The following VWCE variants were observed in gnomAD, a reference collection of about 807,000 sequenced individuals.
VWCE encodes the protein von Willebrand factor C and EGF domains.
VWCE carries 68 observed loss-of-function variants against 102.9 expected under a neutral mutation model. The ratio of observed to expected loss-of-function variants is 0.66; its 90% CI spans 0.54 to 0.81. The LOEUF is 0.81. Among genes scored for constraint, VWCE ranks in the 30% least tolerant of loss-of-function variants. The probability of loss-of-function intolerance (pLI) is 0.00; values close to 1 mark genes in which losing one functional copy is unlikely to be tolerated. For missense variants in VWCE, 1,137 were observed against 1,263.6 expected, an observed-to-expected ratio of 0.90 and a Z score of 1.52; for synonymous variants, 497 against 515.4, an observed-to-expected ratio of 0.96 and a Z score of 0.48.
chr11:61,292,611 C>A (rs1460437022), intron 1 of VWCE, among the ~76,000 whole-genome samples: 3 of 152,092 alleles, frequency 2.0e-5, no homozygotes, highest in Admixed American at 1.3e-4. Context: ...GGGGTCTGTT[C>A]AAGCAGGAAT....
At chr11:61,264,361 G>T in intron 19 of VWCE, 126 bp downstream of exon 19, 1 of 921,916 alleles carries the variant, frequency 1.1e-6, no homozygotes, top group Non-Finnish European at 1.7e-6. Flanking sequence ...AACCTTGCGC[G>T]AGCCGTGTTC....
At chr11:61,268,173 C>T (rs993508926) in intron 15 of VWCE, among the ~76,000 whole-genome samples, 1 of 151,646 alleles carries the variant, frequency 6.6e-6, no homozygotes, top group African/African-American at 2.4e-5. Context: ...CAAAAAGAGA[C>T]TAGAAGGACA....
intron 7 of VWCE, 62 bp downstream of exon 7, chr11:61,281,724 T>A: frequency 6.6e-7 from 1 of 1,520,676 alleles, no homozygotes; most frequent in Non-Finnish European, 8.8e-7. Context: ...TGGGGGGGCG[T>A]AGCTGGGGCA....
Position 61,280,782 on chromosome 11 carries a change from CT to C in VWCE, c.1230+10del, listed in dbSNP as rs752221862. 85 of 1,606,964 alleles carry C rather than the reference CT, an allele frequency of 5.3e-5. No individual in the cohort carries two copies. Among genetic ancestry groups the C allele is most frequent in the Middle Eastern group, 1.7e-4 (1 of 6,032 alleles). On this transcript the variant is annotated intron_variant, in intron 8 of 19. Coordinates refer to ENST00000335613, the MANE Select transcript of VWCE (RefSeq NM_152718.2). Reference sequence around the variant, plus strand: ...CAGACCAAGGAAGCTCCGGGGACCCCTAGTACCCACCTCGCACCAGCACTGG... The same window carrying C: ...CAGACCAAGGAAGCTCCGGGGACCCCAGTACCCACCTCGCACCAGCACTGG...
chr11:61,292,179 C>T (rs567292127), intron 1 of VWCE, among the ~76,000 whole-genome samples: 18 of 151,482 alleles, frequency 1.2e-4, no homozygotes, highest in South Asian at 4.2e-4. Flanking sequence ...GCCAAGTTGG[C>T]GCCACTGCCC....
rs187308326 is a variant in VWCE at position 61,271,704 on chromosome 11, C to G, written c.1756G>C (p.Gly586Arg). ...CAGATGCATAACTCACAGGGGTCAC[C>G]AGGCGACCAGATCTGTCCAATCGGA... The part of the protein sequence containing the change: ...EFPIGQIWSP[G>R]DPCELCICQA... Residue 586 changes from glycine to arginine, a missense_variant, in exon 14 of 20, where the codon GGT becomes CGT. Gly to Arg is a moderately radical substitution (Grantham distance 125, BLOSUM62 -2). Transcript: ENST00000335613. The G allele has an allele frequency of 6.2e-7, 1 of 1,613,558 alleles. No individual in the cohort carries two copies. The highest frequency in any genetic ancestry group is 1.7e-5 in the Admixed American group (1 of 59,944).
At position 61,263,143 on chromosome 11, in the gene VWCE, C is replaced by T. The variant is rs147191733; in HGVS notation, c.2230+1344G>A. On this transcript the variant is annotated intron_variant, in intron 19 of 19. Coordinates refer to ENST00000335613, the MANE Select transcript of VWCE (RefSeq NM_152718.2). ...CGAACATGGCGAAACCTTGTCTCTA[C>T]TAAAAATACAAAAATTAGCCGGGCA... Among the ~76,000 whole-genome samples, 530 of 152,162 alleles carry T rather than the reference C, an allele frequency of 3.5e-3. 5 individuals are homozygous for T. Among genetic ancestry groups the T allele is most frequent in the African/African-American group, 0.012 (515 of 41,516 alleles).
In VWCE at chr11:61,268,907, G is replaced by A. The variant is rs1242089577; in HGVS notation, c.1882+15C>T. On this transcript the variant is annotated intron_variant, in intron 15 of 19. Coordinates refer to ENST00000335613, the MANE Select transcript of VWCE (RefSeq NM_152718.2). ...TGCCCTGCCCTGGGGGCTTGGGGCAGAGGCAGGGGATTACCTGCTGAACAG... is the reference window on the plus strand; with the variant it reads ...TGCCCTGCCCTGGGGGCTTGGGGCAAAGGCAGGGGATTACCTGCTGAACAG... The A allele has an allele frequency of 6.2e-7, 1 of 1,613,082 alleles. No homozygotes were observed. The highest frequency in any genetic ancestry group is 8.5e-7 in the Non-Finnish European group (1 of 1,179,386).
intron 14 of VWCE, 56 bp from the exon 15 acceptor site, chr11:61,269,074 C>T: frequency 6.5e-7 from 1 of 1,539,024 alleles, no homozygotes. Flanking sequence ...CCCCTGCCTC[C>T]CCGCCCTGCA....
rs1406974272 is a variant in VWCE, at chr11:61,271,668, C to T, written c.1785+7G>A. Reference sequence around the variant, plus strand: ...AAGCAGCTGAAGGCGAGCAGGTTGTCATTCACCTGGCAGATGCATAACTCA... The same window carrying T: ...AAGCAGCTGAAGGCGAGCAGGTTGTTATTCACCTGGCAGATGCATAACTCA... On this transcript the variant is annotated splice_region_variant and intron_variant, in intron 14 of 19. Transcript: ENST00000335613. 1 of 1,609,970 alleles carries T rather than the reference C, an allele frequency of 6.2e-7. No individual in the cohort carries two copies. The highest frequency in any genetic ancestry group is 1.3e-5 in the African/African-American group (1 of 74,852).
At chr11:61,266,548 A>C (rs561753607) in intron 16 of VWCE, among the ~76,000 whole-genome samples, 1 of 148,260 alleles carries the variant, frequency 6.7e-6, no homozygotes, top group Non-Finnish European at 1.5e-5. Flanking sequence ...ACCCTGTCTC[A>C]AAAAAAAAAC....
Position 61,264,631 on chromosome 11 carries a change from G to A in VWCE, c.2140-54C>T, listed in dbSNP as rs77984083. ...AAGCCCAGAGCATCTTGCCTGCCCT[G>A]GGCAGTGCCCTCAAGGGCCTCTTGC... On this transcript the variant is annotated intron_variant, in intron 18 of 19. Coordinates refer to ENST00000335613, the MANE Select transcript of VWCE (RefSeq NM_152718.2). 1,092 of 1,543,376 alleles carry A rather than the reference G, an allele frequency of 7.1e-4. 9 individuals are homozygous for A. In the African/African-American group the frequency reaches 0.014, roughly 19 times the overall value.
intron 4 of VWCE, among the ~76,000 whole-genome samples, chr11:61,290,134 G>A (rs1855453866): frequency 6.6e-6 from 1 of 152,182 alleles, no homozygotes; most frequent in Non-Finnish European, 1.5e-5. Flanking sequence ...GTGGGCCCTG[G>A]CACCTTGCCC....
At chr11:61,265,074 C>A (rs372459591) in intron 17 of VWCE, 36 bp from the exon 18 acceptor site, 10 of 1,613,802 alleles carry the variant, frequency 6.2e-6, no homozygotes, top group African/African-American at 1.3e-5. Context: ...CCATGAGAGC[C>A]GAGGCCTGGC....
At chr11:61,262,040 A>C (rs920315886) in intron 19 of VWCE, among the ~76,000 whole-genome samples, 6 of 152,058 alleles carry the variant, frequency 3.9e-5, no homozygotes, top group Non-Finnish European at 8.8e-5. Flanking sequence ...TGCAACCTCC[A>C]TCTCCCAGGT....
chr11:61,260,335 G>A (rs946317985), intron 19 of VWCE, among the ~76,000 whole-genome samples: 8 of 152,142 alleles, frequency 5.3e-5, no homozygotes, highest in African/African-American at 1.7e-4. Context: ...GTGCAGTGGT[G>A]CAAACATGGC....
At chr11:61,281,323 C>G (rs1855126884) in intron 7 of VWCE, 88 bp from the exon 8 acceptor site, 2 of 1,485,732 alleles carry the variant, frequency 1.3e-6, no homozygotes, top group African/African-American at 2.8e-5. Flanking sequence ...TCCACCACCA[C>G]AAGTCCCTGT....
At chr11:61,266,320 G>GC (rs1854512685) in intron 16 of VWCE, among the ~76,000 whole-genome samples, 1 of 152,074 alleles carries the variant, frequency 6.6e-6, no homozygotes, top group Non-Finnish European at 1.5e-5. Flanking sequence ...TGCGAGGATT[G>GC]CCTGAGCCCA....
Position 61,281,893 on chromosome 11 carries a change from G to T in VWCE, c.680C>A (p.Pro227Gln). 1 of 1,613,776 alleles carries T rather than the reference G, an allele frequency of 6.2e-7. No individual in the cohort carries two copies. Among genetic ancestry groups the T allele is most frequent in the Non-Finnish European group, 8.5e-7 (1 of 1,179,836 alleles). Residue 227 changes from proline (P) to glutamine (Q), a missense_variant, in exon 7 of 20, where the codon CCA becomes CAA. This residue lies in a region of VWCE where 575 missense variants were observed against 625.9 expected (regional missense o/e 0.92). Transcript: ENST00000335613. ...SCVDVNECRR[P>Q]LERRVCHHSC... is the part of the protein sequence containing the mutation. ...ATGGTGACAGACTCGCCTCTCCAAT[G>T]GCCTCCGACACTCGTTTACATCTGC...
Sources: allele counts gnomAD v4.1 joint callset (sites outside exome capture counted in the v4.1 genomes callset), GRCh38; gene constraint gnomAD v4.1.1; regional missense constraint gnomAD v4.1.1; transcripts MANE v1.5; gene names NCBI Gene and HGNC (gene_info 2026-07-23, HGNC 2026-07-21).